LYN: variants seen among roughly 807,000 people sequenced by gnomAD.
LYN encodes the protein tyrosine-protein kinase Lyn.
In LYN, 12 loss-of-function variants were observed where a neutral mutation model predicts 65.0. The ratio of observed to expected loss-of-function variants is 0.18; its 90% CI spans 0.12 to 0.30. The LOEUF is 0.30. Among genes scored for constraint, LYN ranks in the 10% least tolerant of loss-of-function variants. LYN has a pLI of 1.00. For missense variants in LYN, 380 were observed against 623.2 expected (o/e 0.61, Z 4.16); for synonymous variants, 222 against 221.2 (o/e 1.00, Z -0.03).
intron 1 of LYN, among the ~76,000 whole-genome samples, chr8:55,933,135 A>G (rs1429606091): frequency 6.6e-6 from 1 of 152,236 alleles, no homozygotes; most frequent in Non-Finnish European, 1.5e-5. Context: ...TATTTTTAAA[A>G]AAGAATTACT....
chr8:55,966,059 A>T (rs1563317073), intron 8 of LYN, among the ~76,000 whole-genome samples: 1 of 151,868 alleles, frequency 6.6e-6, no homozygotes. Flanking sequence ...CAGGAGGTGG[A>T]GGTTGCAGTG....
chr8:55,946,719 C>T (rs967070466), intron 3 of LYN, among the ~76,000 whole-genome samples: 3 of 152,120 alleles, frequency 2.0e-5, no homozygotes, highest in African/African-American at 7.2e-5. Context: ...TTCTCAAACT[C>T]CATACCCATT....
chr8:55,886,731 CAG>C (rs1804808542), intron 1 of LYN, among the ~76,000 whole-genome samples: 1 of 152,166 alleles, frequency 6.6e-6, no homozygotes, highest in Non-Finnish European at 1.5e-5. Context: ...CCAGCTCCAT[CAG>C]AGTTTGTTTG....
intron 1 of LYN, among the ~76,000 whole-genome samples, chr8:55,939,541 G>T (rs1228834959): frequency 6.6e-6 from 1 of 152,056 alleles, no homozygotes; most frequent in Non-Finnish European, 1.5e-5. Flanking sequence ...GTGGGGGGGG[G>T]ACAGGGGATT....
rs372348713 is a variant in LYN at position 55,947,676 on chromosome 8, G to T, written c.237G>T (p.Pro79=). ...TGTACCCCTATGATGGCATCCACCCGGACGACTTGTCTTTCAAGAAAGGAG... is the reference window on the plus strand; with the variant it reads ...TGTACCCCTATGATGGCATCCACCCTGACGACTTGTCTTTCAAGAAAGGAG... ...VALYPYDGIH[P]DDLSFKKGEK... is the part of the protein sequence containing the mutation. The change falls in exon 4 of 13, where the codon CCG becomes CCT. Residue 79 remains proline (P), a synonymous_variant. Transcript: ENST00000519728. The T allele has an allele frequency of 1.9e-6, 3 of 1,613,988 alleles. No individual in the cohort carries two copies.
intron 10 of LYN, among the ~76,000 whole-genome samples, chr8:55,974,278 C>T (rs1030574454): frequency 2.6e-5 from 4 of 152,166 alleles, no homozygotes; most frequent in African/African-American, 4.8e-5. Flanking sequence ...GCATTTTCCC[C>T]GTTATGGATT....
chr8:55,946,509 A>G lies in LYN; in HGVS notation c.178+16A>G. On this transcript the variant is annotated intron_variant, in intron 3 of 12. Coordinates refer to ENST00000519728, the MANE Select transcript of LYN (RefSeq NM_002350.4). ...CAAACTAAAGGTATGTTTTCATAGC[A>G]ACATAGTTAAAATTTTTTTTCTTTA... 1.3e-6 allele frequency: 2 copies of G among 1,569,696 alleles called. No homozygotes were observed. Among genetic ancestry groups the G allele is most frequent in the Non-Finnish European group, 8.7e-7 (1 of 1,147,980 alleles).
intron 12 of LYN, among the ~76,000 whole-genome samples, chr8:56,009,316 AC>A (rs1268973118): frequency 3.3e-5 from 5 of 152,182 alleles, no homozygotes; most frequent in Non-Finnish European, 5.9e-5. Context: ...ATTTTGGCAA[AC>A]TGAATGCTGT....
At chr8:55,963,510 A>G (rs1234477710) in intron 8 of LYN, among the ~76,000 whole-genome samples, 1 of 152,216 alleles carries the variant, frequency 6.6e-6, no homozygotes, top group South Asian at 2.1e-4. Flanking sequence ...AGTGATGCTC[A>G]GCAAAGAACA....
intron 1 of LYN, among the ~76,000 whole-genome samples, chr8:55,904,006 C>CAAAAAA (rs5891599): frequency 6.6e-6 from 1 of 150,746 alleles, no homozygotes; most frequent in Non-Finnish European, 1.5e-5. Context: ...GACAGAGTCT[C>CAAAAAA]AAAAAAAAAG....
chr8:55,911,098 T>TATATATATATATATATATATATACACAC (rs1162508957), intron 1 of LYN, among the ~76,000 whole-genome samples: 5 of 11,686 alleles, frequency 4.3e-4, no homozygotes, highest in African/African-American at 1.7e-3. Flanking sequence ...TATATATATA[T>TATATATATATATATATATATATACACAC]ACATACACGT....
intron 9 of LYN, among the ~76,000 whole-genome samples, chr8:55,968,943 T>C (rs771121756): frequency 9.6e-5 from 12 of 124,618 alleles, no homozygotes; most frequent in Non-Finnish European, 5.5e-5. Context: ...ACACTCCTTC[T>C]TAGGTAGGTT....
intron 1 of LYN, among the ~76,000 whole-genome samples, chr8:55,924,992 C>G (rs558937654): frequency 6.6e-6 from 1 of 152,138 alleles, no homozygotes; most frequent in Non-Finnish European, 1.5e-5. Context: ...TAGACACCCA[C>G]CACCACACCT....
At chr8:55,886,030 A>AT (rs1804783522) in intron 1 of LYN, among the ~76,000 whole-genome samples, 1 of 152,192 alleles carries the variant, frequency 6.6e-6, no homozygotes, top group Non-Finnish European at 1.5e-5. Flanking sequence ...CACCCTGGCC[A>AT]TGCCTGACTT....
intron 4 of LYN, among the ~76,000 whole-genome samples, chr8:55,949,998 A>G (rs907259988): frequency 6.6e-6 from 1 of 152,226 alleles, no homozygotes; most frequent in African/African-American, 2.4e-5. Flanking sequence ...TATTCTGGAT[A>G]TTTCACATAA....
chr8:55,966,255 A>G (rs947842105), intron 8 of LYN, among the ~76,000 whole-genome samples: 5 of 150,780 alleles, frequency 3.3e-5, no homozygotes, highest in Non-Finnish European at 7.4e-5. Flanking sequence ...AAATTCCTAG[A>G]TACTTTTCAT....
At position 55,998,412 on chromosome 8, in the gene LYN, G is replaced by A. The variant is rs969562107; in HGVS notation, c.1117G>A (p.Val373Ile). The A allele has an allele frequency of 1.2e-6, 2 of 1,614,112 alleles. No homozygotes were observed. The highest frequency in any genetic ancestry group is 1.7e-6 in the Non-Finnish European group (2 of 1,179,970). The change falls in exon 11 of 13, where the codon GTT becomes ATT. Residue 373 changes from valine (V) to isoleucine (I), a missense_variant. This residue lies in a region of LYN where 223 missense variants were observed against 430.0 expected (regional missense o/e 0.52). Transcript: ENST00000519728. The stretch of plus-strand genomic sequence containing the variant: ...TCACCGGGACCTGCGAGCAGCTAAT[G>A]TTCTGGTCTCCGAGTCACTCATGTG... ...YIHRDLRAAN[V>I]LVSESLMCKI...
intron 1 of LYN, among the ~76,000 whole-genome samples, chr8:55,934,084 G>T (rs1806348958): frequency 6.6e-6 from 1 of 152,172 alleles, no homozygotes; most frequent in Admixed American, 6.5e-5. Context: ...AAATTAGCCA[G>T]GCATGGTGGC....
At chr8:56,009,779 G>A in intron 12 of LYN, 129 bp from the exon 13 acceptor site, 1 of 729,780 alleles carries the variant, frequency 1.4e-6, no homozygotes. Context: ...ACCCCTAACA[G>A]CCTCAGTAAA....
Sources: gnomAD v4.1 joint callset for allele counts (sites outside exome capture counted in the v4.1 genomes callset) on GRCh38, gnomAD v4.1.1 for gene constraint, gnomAD v4.1.1 regional missense constraint, MANE v1.5 for transcripts, NCBI Gene and HGNC (gene_info 2026-07-23, HGNC 2026-07-21) for gene names.